Variants in VPS13D observed in about 807,000 individuals in gnomAD.
VPS13D encodes the protein vacuolar protein sorting 13 homolog D, also known as intermembrane lipid transfer protein VPS13D.
Under a neutral mutation model 461.9 loss-of-function variants are expected in VPS13D, and 187 were observed. The ratio of observed to expected loss-of-function variants is 0.40; its 90% CI spans 0.36 to 0.46. The LOEUF is 0.46. VPS13D is among the 20% of genes least tolerant of loss of function. VPS13D has a pLI of 0.60. For synonymous variants in VPS13D, 1,951 were observed against 1,986.3 expected (o/e 0.98, Z 0.47); for missense variants, 4,711 against 5,364.9 (o/e 0.88, Z 3.81).
chr1:12,401,468 A>G, intron 61 of VPS13D, 140 bp from the exon 62 acceptor site: 1 of 564,470 alleles, frequency 1.8e-6, no homozygotes, highest in Non-Finnish European at 3.1e-6. Flanking sequence ...AGAGAGAGAT[A>G]ACCCAGAAAT....
chr1:12,290,866 A>T (rs1164627609), intron 22 of VPS13D, 132 bp from the exon 23 acceptor site: 1 of 781,780 alleles, frequency 1.3e-6, no homozygotes, highest in African/African-American at 1.8e-5. Context: ...GGAATATGAA[A>T]ATTTGCTTTT....
At chr1:12,268,964 A>G (rs772053227) in intron 16 of VPS13D, 88 bp downstream of exon 16, 2 of 1,467,932 alleles carry the variant, frequency 1.4e-6, no homozygotes, top group East Asian at 2.3e-5. Context: ...GGTTATTCAG[A>G]TGCTCTGATA....
chr1:12,355,924 C>T lies in VPS13D; in HGVS notation c.9705C>T (p.Leu3235=), dbSNP rs1643881822. 1.9e-6 allele frequency: 3 copies of T among 1,596,912 alleles called. No homozygotes were observed. Among genetic ancestry groups the T allele is most frequent in the South Asian group, 2.2e-5 (2 of 89,512 alleles). The change falls in exon 48 of 70, where the codon CTC becomes CTT. Residue 3235 remains leucine (L), a synonymous_variant. Transcript: ENST00000620676. ...GGGTATCACTGGAGAATTTCCCCCT[C>T]TGTAAAGAATTGCTCATTCCACCTG... ...ELGVSLENFP[L]CKELLIPPGT... is the part of the protein sequence containing the mutation.
chr1:12,264,398 T>C (rs1366116843), intron 13 of VPS13D, among the ~76,000 whole-genome samples: 1 of 152,234 alleles, frequency 6.6e-6, no homozygotes, highest in Admixed American at 6.5e-5. Context: ...AGGCCACTTG[T>C]GCCAAACAGT....
chr1:12,321,720 A>G (rs1473934733), intron 32 of VPS13D, 89 bp from the exon 33 acceptor site: 2 of 1,392,542 alleles, frequency 1.4e-6, no homozygotes, highest in Non-Finnish European at 1.9e-6. Flanking sequence ...CACATGGCTG[A>G]CTGCTTCTGA....
chr1:12,422,843 A>T (rs942597231), intron 65 of VPS13D, among the ~76,000 whole-genome samples: 2 of 151,092 alleles, frequency 1.3e-5, no homozygotes, highest in Admixed American at 6.6e-5. Context: ...GCTAATTTTG[A>T]AGGTCTTTTT....
chr1:12,339,646 A>G (rs1463177246), intron 40 of VPS13D, among the ~76,000 whole-genome samples: 5 of 152,198 alleles, frequency 3.3e-5, no homozygotes, highest in Non-Finnish European at 5.9e-5. Context: ...AGGCAAGTAC[A>G]TAGTTTATTT....
chr1:12,343,129 C>A, intron 42 of VPS13D, 78 bp downstream of exon 42: 1 of 1,224,488 alleles, frequency 8.2e-7, no homozygotes, highest in Non-Finnish European at 1.1e-6. Context: ...TGTCTTTTTA[C>A]TTTCCTTATA....
intron 6 of VPS13D, among the ~76,000 whole-genome samples, chr1:12,252,990 C>A (rs182408055): frequency 1.3e-5 from 2 of 151,606 alleles, no homozygotes; most frequent in Non-Finnish European, 2.9e-5. Context: ...AAAACCCTGT[C>A]TCTACTAAAA....
In VPS13D at chr1:12,261,153, C is replaced by G. The variant is rs769745565; in HGVS notation, c.1414+4C>G. 1.2e-6 allele frequency: 2 copies of G among 1,614,016 alleles called. No individual in the cohort carries two copies. The highest frequency in any genetic ancestry group is 1.7e-6 in the Non-Finnish European group (2 of 1,179,948). On this transcript the variant is annotated splice_donor_region_variant and intron_variant, in intron 12 of 69. Coordinates refer to ENST00000620676, the MANE Select transcript of VPS13D (RefSeq NM_015378.4). ...TGGATTCCTGAAGAGATCCTGGGTA[C>G]GGTGGGAGCTGGCCTTCACTTGATT... is the stretch of plus-strand genomic sequence containing the variant.
At chr1:12,310,793 T>TTCCCTCCC (rs1227739408) in intron 27 of VPS13D, among the ~76,000 whole-genome samples, 2 of 127,146 alleles carry the variant, frequency 1.6e-5, no homozygotes, top group Non-Finnish European at 3.3e-5. Context: ...CCTTCCTTCC[T>TTCCCTCCC]TCCCTCCCTC....
intron 65 of VPS13D, among the ~76,000 whole-genome samples, chr1:12,421,898 G>A (rs150403614): frequency 6.6e-6 from 1 of 152,194 alleles, no homozygotes; most frequent in East Asian, 1.9e-4. Context: ...TCGGCTCACT[G>A]AACTCTCTGC....
intron 53 of VPS13D, among the ~76,000 whole-genome samples, 183 bp from the exon 54 acceptor site, chr1:12,369,284 T>C (rs1644084221): frequency 6.6e-6 from 1 of 152,058 alleles, no homozygotes; most frequent in South Asian, 2.1e-4. Flanking sequence ...GTGAGTTTTT[T>C]TGGAATGTGC....
chr1:12,326,266 A>G (rs1643182419), intron 35 of VPS13D, among the ~76,000 whole-genome samples: 1 of 133,832 alleles, frequency 7.5e-6, no homozygotes, highest in Non-Finnish European at 1.6e-5. Flanking sequence ...CTCTTTCTTT[A>G]ACAATTCGAG....
chr1:12,409,880 G>A, intron 63 of VPS13D: 1 of 456,158 alleles, frequency 2.2e-6, no homozygotes, highest in Non-Finnish European at 4.4e-6. Flanking sequence ...TATGAGAGGA[G>A]AGAAACTCAG....
chr1:12,491,384 G>A (rs1407176844), intron 67 of VPS13D, among the ~76,000 whole-genome samples: 2 of 152,214 alleles, frequency 1.3e-5, no homozygotes, highest in African/African-American at 2.4e-5. Context: ...GTATGTGTAT[G>A]TGTGCACAGC....
At chr1:12,440,154 G>T (rs1291147664) in intron 65 of VPS13D, among the ~76,000 whole-genome samples, 1 of 152,204 alleles carries the variant, frequency 6.6e-6, no homozygotes, top group South Asian at 2.1e-4. Flanking sequence ...AGAGAGAGAG[G>T]CGCTGAGAAA....
chr1:12,498,098 C>T (rs958773373), intron 68 of VPS13D, among the ~76,000 whole-genome samples: 1 of 152,120 alleles, frequency 6.6e-6, no homozygotes, highest in Non-Finnish European at 1.5e-5. Flanking sequence ...AAATATGGAG[C>T]CTTATATACC....
intron 25 of VPS13D, among the ~76,000 whole-genome samples, chr1:12,300,835 A>G (rs1255018460): frequency 1.3e-5 from 2 of 152,226 alleles, no homozygotes; most frequent in African/African-American, 4.8e-5. Context: ...TTCTGGAACC[A>G]GAAATGAGGC....
Sources: gnomAD v4.1 joint callset for allele counts (sites outside exome capture counted in the v4.1 genomes callset) on GRCh38, gnomAD v4.1.1 for gene constraint, MANE v1.5 for transcripts, NCBI Gene and HGNC (gene_info 2026-07-23, HGNC 2026-07-21) for gene names.